The following RANBP2 variants were observed in gnomAD, a reference collection of about 807,000 sequenced individuals.
RANBP2 encodes E3 SUMO-protein ligase RanBP2.
A neutral mutation model predicts 303.6 loss-of-function variants in RANBP2; 57 were observed. That is an observed-to-expected ratio of 0.19 (90% confidence interval 0.15 to 0.23). RANBP2 has a LOEUF of 0.23. RANBP2 is among the 10% of genes least tolerant of loss of function. RANBP2 has a pLI of 1.00. For missense variants in RANBP2, 3,138 were observed against 3,780.8 expected, an observed-to-expected ratio of 0.83 and a Z score of 4.46; for synonymous variants, 1,167 against 1,301.5, an observed-to-expected ratio of 0.90 and a Z score of 2.23.
the RANBP2 span, among the ~76,000 whole-genome samples, chr2:109,078,100 A>ATATATATATATGGTG: frequency 4.3e-5 from 3 of 70,006 alleles, no homozygotes; most frequent in Non-Finnish European, 5.8e-5. Context: ...ATATATATAT[A>ATATATATATATGGTG]TATATATATA....
chr2:109,179,937 C>T, the RANBP2 span, among the ~76,000 whole-genome samples: 2 of 145,662 alleles, frequency 1.4e-5, no homozygotes, highest in African/African-American at 5.1e-5. Flanking sequence ...GGCTATTAAA[C>T]AAGACAGAGG....
chr2:109,626,481 AAAACAAAC>A, the RANBP2 span, among the ~76,000 whole-genome samples: 1 of 151,768 alleles, frequency 6.6e-6, no homozygotes, highest in African/African-American at 2.4e-5. Context: ...AACGAAAAAC[AAAACAAAC>A]AAACAAACAA....
chr2:109,145,850 G>A, the RANBP2 span, among the ~76,000 whole-genome samples: 1 of 152,150 alleles, frequency 6.6e-6, no homozygotes, highest in Non-Finnish European at 1.5e-5. Context: ...AGGCTGAAAG[G>A]CAGGACGGAG....
the RANBP2 span, among the ~76,000 whole-genome samples, chr2:109,191,537 G>C: frequency 6.6e-6 from 1 of 152,216 alleles, no homozygotes; most frequent in African/African-American, 2.4e-5. Flanking sequence ...CCCCTCCTGA[G>C]AGTCTGCTCA....
At chr2:108,931,623 G>A in the RANBP2 span, among the ~76,000 whole-genome samples, 857 of 152,336 alleles carry the variant, frequency 5.6e-3, 38 homozygotes, top group Admixed American at 0.052. Context: ...TTAAGGGATT[G>A]AAGGGATTGA....
At chr2:108,904,984 C>T in the RANBP2 span, among the ~76,000 whole-genome samples, 1 of 152,146 alleles carries the variant, frequency 6.6e-6, no homozygotes, top group Non-Finnish European at 1.5e-5. Context: ...TGTAGGATCT[C>T]TCTGTATTAT....
chr2:109,159,088 G>T, the RANBP2 span, among the ~76,000 whole-genome samples: 3 of 152,200 alleles, frequency 2.0e-5, no homozygotes, highest in Non-Finnish European at 4.4e-5. Flanking sequence ...CTGCACTCCA[G>T]CCTGGGCGAC....
the RANBP2 span, among the ~76,000 whole-genome samples, chr2:109,662,983 C>A: frequency 6.6e-6 from 1 of 152,226 alleles, no homozygotes; most frequent in East Asian, 1.9e-4. Context: ...CAAAAGACTT[C>A]CATTGCTTCC....
chr2:109,515,547 C>T, the RANBP2 span, among the ~76,000 whole-genome samples: 6 of 152,098 alleles, frequency 3.9e-5, no homozygotes, highest in Admixed American at 1.3e-4. Context: ...CACTGAGGAC[C>T]TCAGGAGAGC....
chr2:109,299,678 A>C, the RANBP2 span, among the ~76,000 whole-genome samples: 1 of 152,196 alleles, frequency 6.6e-6, no homozygotes, highest in Non-Finnish European at 1.5e-5. Context: ...CCTAAAAGCC[A>C]GTTCTGCCCG....
At chr2:109,613,075 C>CATCG in the RANBP2 span, 11 of 627,184 alleles carry the variant, frequency 1.8e-5, no homozygotes, top group Non-Finnish European at 2.9e-5. Flanking sequence ...AATACACAGG[C>CATCG]ATCGGGCCTC....
At chr2:109,280,603 C>A in the RANBP2 span, among the ~76,000 whole-genome samples, 4 of 150,934 alleles carry the variant, frequency 2.7e-5, no homozygotes, top group Non-Finnish European at 5.9e-5. Flanking sequence ...AAGTAGTCTC[C>A]AAGCTAAAAA....
the RANBP2 span, chr2:109,490,467 G>A: frequency 4.1e-6 from 3 of 731,172 alleles, no homozygotes; most frequent in Non-Finnish European, 4.0e-6. Context: ...GTTGCTGTGA[G>A]TGGTAAAGTC....
At chr2:108,822,625 A>G in the RANBP2 span, among the ~76,000 whole-genome samples, 2 of 152,236 alleles carry the variant, frequency 1.3e-5, no homozygotes, top group South Asian at 4.1e-4. Flanking sequence ...AATGAAGTGA[A>G]ACCTCAAACC....
the RANBP2 span, among the ~76,000 whole-genome samples, chr2:109,728,460 T>A: frequency 2.0e-5 from 3 of 151,984 alleles, no homozygotes; most frequent in African/African-American, 4.8e-5. Context: ...AAAATTTATT[T>A]TTTTTTATTT....
the RANBP2 span, among the ~76,000 whole-genome samples, chr2:109,394,707 G>A: frequency 3.3e-5 from 5 of 152,340 alleles, no homozygotes; most frequent in South Asian, 6.2e-4. Context: ...ACAAGGTGAC[G>A]CCACATGCAG....
At chr2:109,704,935 G>A in the RANBP2 span, among the ~76,000 whole-genome samples, 13 of 152,218 alleles carry the variant, frequency 8.5e-5, no homozygotes, top group Admixed American at 7.2e-4. Context: ...AGTCAGAATC[G>A]TACAGGATGC....
chr2:109,132,080 A>G, the RANBP2 span, among the ~76,000 whole-genome samples: 1 of 152,196 alleles, frequency 6.6e-6, no homozygotes, highest in Non-Finnish European at 1.5e-5. Context: ...GTCCATTGGA[A>G]TTGCTTGACT....
chr2:109,495,839 A>G, the RANBP2 span, among the ~76,000 whole-genome samples: 1 of 152,104 alleles, frequency 6.6e-6, no homozygotes, highest in Admixed American at 6.5e-5. Flanking sequence ...TAAAATGGGG[A>G]TAATAATACA....
Sources: gnomAD v4.1 joint callset for allele counts (sites outside exome capture counted in the v4.1 genomes callset) on GRCh38, gnomAD v4.1.1 for gene constraint, MANE v1.5 for transcripts, NCBI Gene and HGNC (gene_info 2026-07-23, HGNC 2026-07-21) for gene names.